The following ROCK1 variants were observed in gnomAD, a reference collection of about 807,000 sequenced individuals.
ROCK1 encodes Rho associated coiled-coil containing protein kinase 1, also known as rho-associated protein kinase 1.
In ROCK1, 36 loss-of-function variants were observed where a neutral mutation model predicts 196.8. That is an observed-to-expected ratio of 0.18 (90% CI 0.14 to 0.24). The LOEUF is 0.24. Ranked by LOEUF, ROCK1 falls within the 10% of genes least tolerant of loss-of-function variation. The pLI, the probability that ROCK1 is intolerant of heterozygous loss-of-function variation, is 1.00. For synonymous variants in ROCK1, 443 were observed against 515.9 expected, an observed-to-expected ratio of 0.86 and a Z score of 1.91; for missense variants, 920 against 1,562.0, an observed-to-expected ratio of 0.59 and a Z score of 6.93.
intron 8 of ROCK1, among the ~76,000 whole-genome samples, chr18:21,040,961 A>G (rs1027536450): frequency 6.6e-6 from 1 of 151,840 alleles, no homozygotes; most frequent in African/African-American, 2.4e-5. Context: ...TCTCTATCAA[A>G]AATACAAAAA....
chr18:21,098,142 G>A (rs1312290220), intron 1 of ROCK1, among the ~76,000 whole-genome samples: 1 of 152,184 alleles, frequency 6.6e-6, no homozygotes, highest in Non-Finnish European at 1.5e-5. Context: ...GGGAGAGCAG[G>A]GGTGGAGATG....
In ROCK1 at chr18:20,968,369, T is replaced by C. The variant is rs561277965; in HGVS notation, c.3003+403A>G. The C allele has an allele frequency of 3.4e-5, 6 of 175,664 alleles. No homozygotes were observed. The South Asian group carries it at 8.3e-4, about 24-fold the overall frequency. 10.9% of individuals were successfully genotyped at this position (175,664 alleles called of 1,614,324 possible). On this transcript the variant is annotated intron_variant, in intron 25 of 32. Transcript: ENST00000399799. The stretch of plus-strand genomic sequence containing the variant: ...TCGCCCAGGCTGGCATGCAGTGGCA[T>C]GATCTTTGCTCACTGCAACCTCTGC...
intron 2 of ROCK1, among the ~76,000 whole-genome samples, chr18:21,053,171 C>G (rs1240374312): frequency 6.6e-6 from 1 of 152,170 alleles, no homozygotes; most frequent in Non-Finnish European, 1.5e-5. Context: ...AAGTTTTTCT[C>G]TCTGTACACA....
intron 19 of ROCK1, among the ~76,000 whole-genome samples, chr18:20,985,841 T>A (rs960194657): frequency 6.6e-6 from 1 of 152,154 alleles, no homozygotes; most frequent in African/African-American, 2.4e-5. Context: ...TGCTTTCACC[T>A]ATAGCTCCCA....
At chr18:20,952,951 C>G (rs200828296) in intron 32 of ROCK1, among the ~76,000 whole-genome samples, 8 of 151,928 alleles carry the variant, frequency 5.3e-5, no homozygotes, top group Admixed American at 2.0e-4. Flanking sequence ...GGGAGGGGAA[C>G]GTCACGCACC....
At chr18:21,019,160 AT>A (rs945009661) in intron 12 of ROCK1, among the ~76,000 whole-genome samples, 3 of 151,940 alleles carry the variant, frequency 2.0e-5, no homozygotes, top group Non-Finnish European at 4.4e-5. Context: ...CCCTTTATTT[AT>A]TTTTCTTTTT....
chr18:21,090,860 C>T (rs2036563752), intron 1 of ROCK1, among the ~76,000 whole-genome samples: 1 of 47,590 alleles, frequency 2.1e-5, no homozygotes, highest in Admixed American at 1.9e-4. Context: ...GCATCAGTAT[C>T]TCAAAGTACA....
At chr18:21,078,373 C>CACAGAGAGAGAG (rs1491188980) in intron 1 of ROCK1, among the ~76,000 whole-genome samples, 1 of 66,118 alleles carries the variant, frequency 1.5e-5, no homozygotes, top group African/African-American at 3.6e-5. Flanking sequence ...CACACACACA[C>CACAGAGAGAGAG]AGAGAGAGAG....
intron 9 of ROCK1, among the ~76,000 whole-genome samples, chr18:21,030,491 G>GTC (rs2035996498): frequency 1.3e-5 from 2 of 152,284 alleles, no homozygotes; most frequent in South Asian, 4.1e-4. Context: ...AGAGAACAGA[G>GTC]TAAGTGTGCT....
At chr18:21,042,918 AATGT>A (rs576246596) in intron 6 of ROCK1, among the ~76,000 whole-genome samples, 163 of 152,302 alleles carry the variant, frequency 1.1e-3, no homozygotes, top group African/African-American at 3.3e-3. Flanking sequence ...TATACCATAT[AATGT>A]ATGTATGTGT....
At chr18:20,968,066 T>C (rs2035390649) in intron 25 of ROCK1, 126 bp from the exon 26 acceptor site, 3 of 869,438 alleles carry the variant, frequency 3.5e-6, no homozygotes, top group South Asian at 2.2e-5. Flanking sequence ...AACTTCATGA[T>C]GGTTGAGACA....
intron 29 of ROCK1, among the ~76,000 whole-genome samples, chr18:20,958,971 T>A (rs1460528089): frequency 1.1e-5 from 1 of 91,994 alleles, no homozygotes; most frequent in Non-Finnish European, 2.0e-5. Context: ...ATAATATATA[T>A]AATATATATA....
Position 21,083,522 on chromosome 18 carries a change from A to C in ROCK1, c.94-12909T>G, listed in dbSNP as rs1174978738. Reference sequence around the variant, plus strand: ...ACATAAGTTTCAACTGCATGAGTCCACTTATACCTCCTTCCACCTCTGCTA... The same window carrying C: ...ACATAAGTTTCAACTGCATGAGTCCCCTTATACCTCCTTCCACCTCTGCTA... On this transcript the variant is annotated intron_variant, in intron 1 of 32. Transcript: ENST00000399799. 6.0e-5 allele frequency among the ~76,000 whole-genome samples: 9 copies of C among 150,414 alleles called. No homozygotes were observed. In the Admixed American group the frequency reaches 6.1e-4, roughly 10 times the overall value.
intron 6 of ROCK1, 77 bp from the exon 7 acceptor site, chr18:21,042,786 T>A: frequency 7.3e-7 from 1 of 1,365,826 alleles, no homozygotes. Context: ...TTATTAATAT[T>A]ACCTATGGGA....
At chr18:21,081,397 AC>A (rs2036481728) in intron 1 of ROCK1, among the ~76,000 whole-genome samples, 1 of 152,168 alleles carries the variant, frequency 6.6e-6, no homozygotes, top group Non-Finnish European at 1.5e-5. Context: ...ATAAATGCTT[AC>A]ATTTTAAAAA....
At position 21,003,802 on chromosome 18, in the gene ROCK1, G is replaced by A. The variant is rs116599800; in HGVS notation, c.1885+2549C>T. On this transcript the variant is annotated intron_variant, in intron 16 of 32. Coordinates refer to ENST00000399799, the MANE Select transcript of ROCK1 (RefSeq NM_005406.3). ...TTTTGAGCACTGACATGACATTCAA[G>A]GATTTCAGATTTGGGATACTCAACT... is the stretch of plus-strand genomic sequence containing the variant. Among the ~76,000 whole-genome samples the A allele has an allele frequency of 4.2e-3, 640 of 152,108 alleles. 6 individuals are homozygous for A. Among genetic ancestry groups the A allele is most frequent in the African/African-American group, 0.015 (613 of 41,478 alleles).
intron 29 of ROCK1, among the ~76,000 whole-genome samples, chr18:20,959,038 ATAATATATAATATATATAT>A (rs2035284184): frequency 1.6e-5 from 1 of 60,722 alleles, no homozygotes; most frequent in African/African-American, 1.2e-4. Flanking sequence ...TATATTTTAT[ATAATATATAATATATATAT>A]TATATTTTAT....
intron 2 of ROCK1, among the ~76,000 whole-genome samples, chr18:21,051,962 C>G (rs899043432): frequency 2.6e-5 from 4 of 152,256 alleles, no homozygotes; most frequent in African/African-American, 9.6e-5. Flanking sequence ...AAAGTCAAGA[C>G]AGGAGGTGGG....
intron 9 of ROCK1, among the ~76,000 whole-genome samples, chr18:21,032,056 A>G (rs2036013235): frequency 6.6e-6 from 1 of 152,228 alleles, no homozygotes; most frequent in Admixed American, 6.5e-5. Flanking sequence ...GACTATTTGA[A>G]GAAATAATGG....
Sources: gnomAD v4.1 joint callset for allele counts (sites outside exome capture counted in the v4.1 genomes callset) on GRCh38, gnomAD v4.1.1 for gene constraint, MANE v1.5 for transcripts, NCBI Gene and HGNC (gene_info 2026-07-23, HGNC 2026-07-21) for gene names.